The following NPHP4 variants were observed in gnomAD, a reference collection of about 807,000 sequenced individuals.
The protein encoded by NPHP4 is nephrocystin 4.
In NPHP4, 151 loss-of-function variants were observed where a neutral mutation model predicts 155.8. That is an observed-to-expected ratio of 0.97 (90% CI 0.85 to 1.11). The LOEUF (loss-of-function observed/expected upper bound fraction) is 1.11. Among genes scored for constraint, NPHP4 ranks in the 50% least tolerant of loss-of-function variants. The pLI is 0.00. For missense variants in NPHP4, 1,956 were observed against 1,925.7 expected (o/e 1.02, Z -0.29); for synonymous variants, 845 against 816.8 (o/e 1.03, Z -0.59).
intron 11 of NPHP4, among the ~76,000 whole-genome samples, chr1:5,920,628 T>G (rs1400692263): frequency 6.6e-6 from 1 of 152,208 alleles, no homozygotes; most frequent in Non-Finnish European, 1.5e-5. Flanking sequence ...TTTACTCATT[T>G]CATCCTCCCC....
chr1:5,872,040 C>T (rs762023275), intron 23 of NPHP4, among the ~76,000 whole-genome samples: 2 of 152,220 alleles, frequency 1.3e-5, no homozygotes, highest in Non-Finnish European at 2.9e-5. Context: ...CTTACCTGAA[C>T]TTTCCTTATC....
rs761546950 is a variant in NPHP4 at position 5,873,296 on chromosome 1, C to T, written c.3271G>A (p.Val1091Met). The change falls in exon 23 of 30, where the codon GTG (valine) becomes ATG (methionine). Residue 1091 changes from valine (V) to methionine (M), a missense_variant. Val to Met is a conservative substitution (Grantham distance 21, BLOSUM62 1). Transcript: ENST00000378156. The part of the protein sequence containing the change: ...GLSNEKGMDA[V>M]SPWKSSAVPT... ...ACTGCGCTGGACTTCCAAGGTGACA[C>T]GGCGTCCATGCCCTTCTCGTTGCTC... The T allele has an allele frequency of 5.6e-6, 9 of 1,613,818 alleles. No homozygotes were observed. The highest frequency in any genetic ancestry group is 3.3e-5 in the Admixed American group (2 of 60,002).
intron 3 of NPHP4, among the ~76,000 whole-genome samples, chr1:5,975,913 A>C (rs72630640): frequency 6.0e-4 from 92 of 152,286 alleles, no homozygotes; most frequent in Non-Finnish European, 9.1e-4. Flanking sequence ...GAGTAGGGAG[A>C]TGGAAGCCCC....
chr1:5,933,311 G>C lies in NPHP4; in HGVS notation c.1138C>G (p.Leu380Val), dbSNP rs537282994. ...VDGNAASVTSLSNLACMHMVR... is the reference protein window; with the variant it reads ...VDGNAASVTSVSNLACMHMVR... Reference sequence around the variant, plus strand: ...ATGTGCATGCATGCCAGGTTGGACAGAGAGGTGACCGAAGCTGCCTAGAAT... The same window carrying C: ...ATGTGCATGCATGCCAGGTTGGACACAGAGGTGACCGAAGCTGCCTAGAAT... The change falls in exon 10 of 30, where the codon CTG becomes GTG. Residue 380 changes from leucine to valine, a missense_variant. Coordinates refer to ENST00000378156, the MANE Select transcript of NPHP4 (RefSeq NM_015102.5). 7 of 1,613,116 alleles carry C rather than the reference G, an allele frequency of 4.3e-6. No homozygotes were observed. In the Admixed American group the frequency reaches 1.0e-4, roughly 23 times the overall value.
At chr1:5,879,904 C>A (rs1389764841) in intron 19 of NPHP4, among the ~76,000 whole-genome samples, 1 of 151,340 alleles carries the variant, frequency 6.6e-6, no homozygotes, top group Non-Finnish European at 1.5e-5. Context: ...TGCACACATG[C>A]AGCCTTCCAC....
chr1:5,980,437 C>T (rs1245908671), intron 2 of NPHP4, among the ~76,000 whole-genome samples: 2 of 152,240 alleles, frequency 1.3e-5, no homozygotes, highest in Non-Finnish European at 1.5e-5. Flanking sequence ...AGGCAGGCCT[C>T]ACGGCGCGAG....
chr1:5,949,140 A>T (rs1267309602), intron 7 of NPHP4, among the ~76,000 whole-genome samples: 1 of 152,212 alleles, frequency 6.6e-6, no homozygotes, highest in Non-Finnish European at 1.5e-5. Flanking sequence ...ACTGTATAAA[A>T]TTCAACAATG....
intron 5 of NPHP4, among the ~76,000 whole-genome samples, chr1:5,962,486 C>A (rs1650515747): frequency 6.6e-6 from 1 of 152,220 alleles, no homozygotes; most frequent in Non-Finnish European, 1.5e-5. Context: ...GGAGGACACC[C>A]TGGCCCGAGG....
chr1:5,939,241 G>A (rs1441724680), intron 9 of NPHP4, among the ~76,000 whole-genome samples: 2 of 152,284 alleles, frequency 1.3e-5, no homozygotes, highest in Admixed American at 6.5e-5. Context: ...ACTGTGGTAT[G>A]GTTTTAAAGA....
intron 11 of NPHP4, among the ~76,000 whole-genome samples, chr1:5,922,235 C>G (rs780735552): frequency 6.6e-6 from 1 of 152,228 alleles, no homozygotes; most frequent in Non-Finnish European, 1.5e-5. Context: ...AGAAGGAGCA[C>G]AGCCCCGCTG....
chr1:5,938,085 G>C (rs1297428459), intron 9 of NPHP4, among the ~76,000 whole-genome samples: 1 of 152,232 alleles, frequency 6.6e-6, no homozygotes, highest in Non-Finnish European at 1.5e-5. Flanking sequence ...GGGTGGCACA[G>C]ACCCAGGAGC....
chr1:5,972,381 T>C (rs982907523), intron 3 of NPHP4, among the ~76,000 whole-genome samples: 1 of 152,010 alleles, frequency 6.6e-6, no homozygotes, highest in Non-Finnish European at 1.5e-5. Context: ...CAGCAAAGCA[T>C]CATGACAGGG....
At chr1:5,921,944 C>T (rs540247844) in intron 11 of NPHP4, among the ~76,000 whole-genome samples, 34 of 152,234 alleles carry the variant, frequency 2.2e-4, no homozygotes, top group Non-Finnish European at 4.9e-4. Context: ...GAGATACCCA[C>T]GTCCTAACCC....
chr1:5,953,753 G>C (rs79815518), intron 6 of NPHP4, among the ~76,000 whole-genome samples: 7 of 152,194 alleles, frequency 4.6e-5, no homozygotes, highest in Non-Finnish European at 1.0e-4. Context: ...GCTGCCTGGG[G>C]AGCCTTCTCC....
chr1:5,962,469 G>C (rs1570656789), intron 5 of NPHP4, among the ~76,000 whole-genome samples: 1 of 152,202 alleles, frequency 6.6e-6, no homozygotes, highest in Admixed American at 6.5e-5. Context: ...TGCCATCAGA[G>C]GGGCCTGGAG....
chr1:5,925,105 A>ACTACT (rs2101634865), intron 11 of NPHP4, among the ~76,000 whole-genome samples: 1 of 152,382 alleles, frequency 6.6e-6, no homozygotes, highest in East Asian at 1.9e-4. Flanking sequence ...TGTACTTCTA[A>ACTACT]GTAACTTAAT....
chr1:5,865,314 C>G, intron 26 of NPHP4, 41 bp from the exon 27 acceptor site: 1 of 1,473,810 alleles, frequency 6.8e-7, no homozygotes, highest in African/African-American at 1.4e-5. Flanking sequence ...TCCCGGAGGA[C>G]TCAGCACCGG....
At chr1:5,893,304 G>A (rs1229148971) in intron 16 of NPHP4, among the ~76,000 whole-genome samples, 10 of 152,194 alleles carry the variant, frequency 6.6e-5, no homozygotes, top group East Asian at 1.9e-4. Context: ...CGCAGAGACC[G>A]GTAGTGGCCC....
intron 3 of NPHP4, among the ~76,000 whole-genome samples, chr1:5,973,270 G>A (rs1652922018): frequency 6.6e-6 from 1 of 152,238 alleles, no homozygotes; most frequent in South Asian, 2.1e-4. Context: ...CAGTGATGGA[G>A]TAGGACACTA....
Sources: gnomAD v4.1 joint callset for allele counts (sites outside exome capture counted in the v4.1 genomes callset) on GRCh38, gnomAD v4.1.1 for gene constraint, MANE v1.5 for transcripts, NCBI Gene and HGNC (gene_info 2026-07-23, HGNC 2026-07-21) for gene names.